The following SYNE2 variants were observed in gnomAD, a reference collection of about 807,000 sequenced individuals.
SYNE2 encodes the protein nesprin-2.
A neutral mutation model predicts 856.3 loss-of-function variants in SYNE2; 431 were observed. The observed-to-expected ratio is 0.50, with a 90% CI of 0.47 to 0.55. The LOEUF is 0.55. Among genes scored for constraint, SYNE2 ranks in the 20% least tolerant of loss-of-function variants. The pLI, the probability that SYNE2 is intolerant of heterozygous loss-of-function variation, is 0.00. For synonymous variants in SYNE2, 2,923 were observed against 2,872.3 expected (o/e 1.02, Z -0.56); for missense variants, 8,129 against 8,023.2 (o/e 1.01, Z -0.50).
At position 64,210,090 on chromosome 14, in the gene SYNE2, A is replaced by C. The variant is rs759595990; in HGVS notation, c.18689A>C (p.Gln6230Pro). 9.9e-6 allele frequency: 16 copies of C among 1,613,924 alleles called. No individual in the cohort carries two copies. In the East Asian group the frequency reaches 3.1e-4, roughly 31 times the overall value. The change falls in exon 103 of 116, where the codon CAG becomes CCG. Residue 6230 changes from glutamine to proline, a missense_variant. Coordinates refer to ENST00000555002, the MANE Select transcript of SYNE2 (RefSeq NM_182914.3). ...HEGNQRWDNLQRRVTAVLRRL... is the reference protein window; with the variant it reads ...HEGNQRWDNLPRRVTAVLRRL... ...GGCAACCAGCGCTGGGACAACCTTC[A>C]GAGGCGGGTCACAGCCGTCCTGCGG...
At position 64,048,304 on chromosome 14, in the gene SYNE2, G is replaced by T. The variant is rs2097200303; in HGVS notation, c.7377+149G>T. 3 of 642,390 alleles carry T rather than the reference G, an allele frequency of 4.7e-6. No homozygotes were observed. The South Asian group carries it at 6.7e-5, about 14-fold the overall frequency. The allele number at this position is 642,390 out of a possible 1,614,324, so 39.8% of individuals were successfully genotyped here. A position where few individuals can be genotyped will look rare whatever the true frequency, so the allele number is the denominator to read the frequency against. Reference sequence around the variant, plus strand: ...ATCAATTTGGTAACTGTATAATTATGTACTAAGTAAGTTGTATAAATCTTT... The same window carrying T: ...ATCAATTTGGTAACTGTATAATTATTTACTAAGTAAGTTGTATAAATCTTT... On this transcript the variant is annotated intron_variant, in intron 46 of 115. Coordinates refer to ENST00000555002, the MANE Select transcript of SYNE2 (RefSeq NM_182914.3).
At chr14:64,011,371 T>G (rs1310346185) in intron 32 of SYNE2, among the ~76,000 whole-genome samples, 1 of 152,316 alleles carries the variant, frequency 6.6e-6, no homozygotes, top group African/African-American at 2.4e-5. Flanking sequence ...TGGATTTGGC[T>G]CATCTTGGGA....
chr14:63,891,304 T>C (rs1368751560), intron 1 of SYNE2, among the ~76,000 whole-genome samples: 1 of 152,186 alleles, frequency 6.6e-6, no homozygotes, highest in Non-Finnish European at 1.5e-5. Context: ...CGGTCAGAAC[T>C]TGAAGGCTTA....
At position 63,876,224 on chromosome 14, in the gene SYNE2, G is replaced by A. The variant is rs192179538; in HGVS notation, c.-52+23081G>A. Among the ~76,000 whole-genome samples, 111 of 143,210 alleles carry A rather than the reference G, an allele frequency of 7.8e-4. 1 individual carries two copies. The highest frequency in any genetic ancestry group is 1.9e-3 in the Admixed American group (26 of 13,482). The allele number at this position is 143,210 out of a possible 152,430, so 94.0% of individuals were successfully genotyped here. ...GCCAAGGGGTTTGAGACCAGCCTGG[G>A]CAACACAGCGAGACTCTATCTCTAC... On this transcript the variant is annotated intron_variant, in intron 1 of 115. Transcript: ENST00000555002.
At chr14:63,765,175 G>C (rs759592688) in intron 1 of SYNE2, among the ~76,000 whole-genome samples, 3 of 152,082 alleles carry the variant, frequency 2.0e-5, no homozygotes, top group Admixed American at 6.6e-5. Flanking sequence ...TAAGCCCAGG[G>C]GTAGGTCAAG....
At chr14:64,188,446 A>G in intron 97 of SYNE2, 104 bp from the exon 98 acceptor site, 1 of 1,306,858 alleles carries the variant, frequency 7.7e-7, no homozygotes, top group South Asian at 1.2e-5. Context: ...TTGAGTGCGG[A>G]GAGCTACTGA....
At chr14:64,218,940 G>A (rs1271318971) in intron 109 of SYNE2, among the ~76,000 whole-genome samples, 2 of 152,114 alleles carry the variant, frequency 1.3e-5, no homozygotes, top group Non-Finnish European at 2.9e-5. Flanking sequence ...AAATTCAGCA[G>A]GAACTGAACT....
intron 1 of SYNE2, among the ~76,000 whole-genome samples, chr14:63,892,287 G>C (rs2095150832): frequency 6.6e-6 from 1 of 151,888 alleles, no homozygotes; most frequent in African/African-American, 2.4e-5. Flanking sequence ...TCAGAATTTT[G>C]CCAGCTGTAC....
intron 45 of SYNE2, among the ~76,000 whole-genome samples, chr14:64,037,774 T>C (rs1189735325): frequency 1.5e-4 from 16 of 109,214 alleles, no homozygotes; most frequent in Middle Eastern, 5.7e-3. Flanking sequence ...GGCCTCTCAC[T>C]TCCCAGTAGG....
intron 49 of SYNE2, among the ~76,000 whole-genome samples, chr14:64,056,703 T>C (rs1247919139): frequency 2.6e-5 from 4 of 151,884 alleles, no homozygotes; most frequent in African/African-American, 9.7e-5. Context: ...AAAGTTTCGC[T>C]TTTGTTGCCC....
chr14:64,125,081 T>A lies in SYNE2; in HGVS notation c.13425T>A (p.Val4475=), dbSNP rs750417463. Residue 4475 remains valine (V), a splice_region_variant and synonymous_variant, in exon 71 of 116, where the codon GTT becomes GTA. Transcript: ENST00000555002. ...LPLPQLVEPQ[V]STNMGILPSV... ...TAGGGTTTTCCTTTGTCAAATAGGT[T>A]TCCACAAATATGGGTATTCTACCCA... is the stretch of plus-strand genomic sequence containing the variant. 30 of 1,614,128 alleles carry A rather than the reference T, an allele frequency of 1.9e-5. No homozygotes were observed. The highest frequency in any genetic ancestry group is 2.5e-5 in the Non-Finnish European group (29 of 1,180,010).
At chr14:64,110,276 T>C (rs1453600412) in intron 65 of SYNE2, among the ~76,000 whole-genome samples, 1 of 152,222 alleles carries the variant, frequency 6.6e-6, no homozygotes, top group Admixed American at 6.5e-5. Context: ...TTTTTTTTAC[T>C]GATTACTGAT....
intron 73 of SYNE2, among the ~76,000 whole-genome samples, chr14:64,127,974 G>A (rs543165581): frequency 3.9e-5 from 6 of 152,158 alleles, no homozygotes; most frequent in African/African-American, 2.4e-5. Flanking sequence ...GATCTAAGAT[G>A]TATTTATCCA....
intron 1 of SYNE2, among the ~76,000 whole-genome samples, chr14:63,841,361 C>T (rs2139929242): frequency 6.6e-6 from 1 of 152,304 alleles, no homozygotes; most frequent in African/African-American, 2.4e-5. Flanking sequence ...GGGGACCTGA[C>T]TGGAACTGGA....
chr14:63,815,176 A>C (rs1394336727), intron 1 of SYNE2, among the ~76,000 whole-genome samples: 1 of 64,150 alleles, frequency 1.6e-5, no homozygotes, highest in Non-Finnish European at 3.0e-5. Context: ...ATCCACATAT[A>C]TATCCATATA....
intron 1 of SYNE2, among the ~76,000 whole-genome samples, chr14:63,826,230 A>C (rs1043642375): frequency 6.6e-6 from 1 of 152,210 alleles, no homozygotes; most frequent in Non-Finnish European, 1.5e-5. Context: ...CTGAGAATCT[A>C]CAAGTAAATT....
intron 6 of SYNE2, among the ~76,000 whole-genome samples, chr14:63,947,664 C>T (rs758170131): frequency 5.7e-4 from 86 of 152,076 alleles, no homozygotes; most frequent in Non-Finnish European, 1.1e-3. Flanking sequence ...GGAGAAACCC[C>T]GTCTCCACTA....
At chr14:64,007,639 G>T (rs748035922) in intron 31 of SYNE2, among the ~76,000 whole-genome samples, 1 of 152,170 alleles carries the variant, frequency 6.6e-6, no homozygotes, top group Non-Finnish European at 1.5e-5. Flanking sequence ...CACTTTGTGA[G>T]GCTGAAGTGA....
chr14:63,895,254 G>A (rs1296831865), intron 1 of SYNE2, among the ~76,000 whole-genome samples: 5 of 151,202 alleles, frequency 3.3e-5, no homozygotes, highest in South Asian at 2.1e-4. Flanking sequence ...ACAGGCGCCC[G>A]CCACCACCCC....
Sources: allele counts gnomAD v4.1 joint callset (sites outside exome capture counted in the v4.1 genomes callset), GRCh38; gene constraint gnomAD v4.1.1; transcripts MANE v1.5; gene names NCBI Gene and HGNC (gene_info 2026-07-23, HGNC 2026-07-21).